Variants in LASP1 observed in about 807,000 individuals in gnomAD.
The protein encoded by LASP1 is LIM and SH3 domain protein 1.
In LASP1, 10 loss-of-function variants were observed where a neutral mutation model predicts 38.6. The ratio of observed to expected loss-of-function variants is 0.26; its 90% confidence interval spans 0.16 to 0.44. The LOEUF is 0.44. Among genes scored for constraint, LASP1 ranks in the 20% least tolerant of loss-of-function variants. LASP1 has a pLI of 1.00. For synonymous variants in LASP1, 132 were observed against 140.8 expected (o/e 0.94, Z 0.44); for missense variants, 243 against 375.7 (o/e 0.65, Z 2.92).
intron 1 of LASP1, among the ~76,000 whole-genome samples, chr17:38,875,156 GAGGCAGGGGCCCAGGCAGGGGCCT>G (rs567601337): frequency 2.3e-4 from 35 of 151,916 alleles, no homozygotes; most frequent in African/African-American, 7.3e-4. Flanking sequence ...GGGGTAGGGG[GAGGCAGGGGCCCAGGCAGGGGCCT>G]AGGCAGGGGC....
chr17:38,911,045 A>G (rs1290702931), intron 4 of LASP1, among the ~76,000 whole-genome samples: 1 of 152,140 alleles, frequency 6.6e-6, no homozygotes, highest in African/African-American at 2.4e-5. Flanking sequence ...GTTAAGAAGC[A>G]AAGCTCAAGG....
chr17:38,875,046 TGTA>T (rs956969377), intron 1 of LASP1, among the ~76,000 whole-genome samples: 3 of 146,228 alleles, frequency 2.1e-5, no homozygotes, highest in Non-Finnish European at 4.5e-5. Context: ...TAGGACAGTG[TGTA>T]GCCCTTCGTG....
At chr17:38,878,963 CTCCCATCCCA>C (rs539274809) in intron 2 of LASP1, among the ~76,000 whole-genome samples, 7 of 151,952 alleles carry the variant, frequency 4.6e-5, no homozygotes, top group East Asian at 3.9e-4. Context: ...AATACCTCCC[CTCCCATCCCA>C]TCCCATCCCA....
intron 4 of LASP1, 69 bp from the exon 5 acceptor site, chr17:38,914,256 T>C (rs1049930445): frequency 6.5e-7 from 1 of 1,541,958 alleles, no homozygotes; most frequent in Non-Finnish European, 8.8e-7. Context: ...CCTGGGATCT[T>C]GAGGGTCACG....
chr17:38,918,788 G>C lies in LASP1; in HGVS notation c.*10G>C. On this transcript the variant is annotated 3_prime_UTR_variant, in exon 7 of 7. Transcript: ENST00000318008. This position sits in a 1 kb window ranked among gnomAD's most constrained non-coding sequence, Gnocchi z 4.4. ...CGTGGAGGCCATCTGAACCCGCAGC[G>C]CCCCCATCTGTCTTCAGCACATTCC... is the stretch of plus-strand genomic sequence containing the variant. 1 of 1,612,908 alleles carries C rather than the reference G, an allele frequency of 6.2e-7. No individual in the cohort carries two copies. Among genetic ancestry groups the C allele is most frequent in the African/African-American group, 1.3e-5 (1 of 75,048 alleles).
intron 3 of LASP1, chr17:38,897,104 C>T: frequency 1.0e-6 from 1 of 982,314 alleles, no homozygotes; most frequent in Non-Finnish European, 1.2e-6. Context: ...GGGTTGGTGC[C>T]TCTATCCACT....
chr17:38,913,260 C>T (rs572854427), intron 4 of LASP1, among the ~76,000 whole-genome samples: 343 of 152,274 alleles, frequency 2.3e-3, no homozygotes, highest in Non-Finnish European at 4.0e-3. Flanking sequence ...GTGGGGTGGT[C>T]CTGAGGGATA....
Position 38,918,072 on chromosome 17 carries a change from G to A in LASP1, c.613-533G>A, listed in dbSNP as rs559482191. 8.7e-4 allele frequency among the ~76,000 whole-genome samples: 131 copies of A among 151,432 alleles called. No individual in the cohort carries two copies. Among genetic ancestry groups the A allele is most frequent in the Non-Finnish European group, 1.6e-3 (110 of 67,816 alleles). On this transcript the variant is annotated intron_variant, in intron 6 of 6. Coordinates refer to ENST00000318008, the MANE Select transcript of LASP1 (RefSeq NM_006148.4). The surrounding 1 kb of genome is among the most constrained non-coding windows in gnomAD (Gnocchi z 4.4). ...GGAGAATCGCTTGAACCCGGGAGGC[G>A]GATGTTGCAGTGAGCCAAGATCACA...
chr17:38,885,281 A>G (rs1185136934), intron 2 of LASP1, among the ~76,000 whole-genome samples: 2 of 152,162 alleles, frequency 1.3e-5, no homozygotes, highest in African/African-American at 4.8e-5. Context: ...AAAACGGCAC[A>G]ATGAGAATGC....
In LASP1 at chr17:38,870,067, C is replaced by G. The variant is rs1224411244; in HGVS notation, c.-123C>G. ...GAGGGCGGAGGCGGAGGCCAGTTCCCCAGCTCCAGCCGCCGTCGCTGCTGC... is the reference window on the plus strand; with the variant it reads ...GAGGGCGGAGGCGGAGGCCAGTTCCGCAGCTCCAGCCGCCGTCGCTGCTGC... On this transcript the variant is annotated 5_prime_UTR_variant, in exon 1 of 7. Coordinates refer to ENST00000318008, the MANE Select transcript of LASP1 (RefSeq NM_006148.4). 1 of 1,053,108 alleles carries G rather than the reference C, an allele frequency of 9.5e-7. No homozygotes were observed. Among genetic ancestry groups the G allele is most frequent in the Non-Finnish European group, 1.4e-6 (1 of 703,336 alleles). 65.2% of individuals were successfully genotyped at this position (1,053,108 alleles called of 1,614,324 possible).
At position 38,919,419 on chromosome 17, in the gene LASP1, C is replaced by T. The variant is rs1035234424; in HGVS notation, c.*641C>T. The stretch of plus-strand genomic sequence containing the variant: ...CGTTCCTTCGCACACTGTGATTTTG[C>T]CCTCCTGCCCACGCAGACCTGCAGC... On this transcript the variant is annotated 3_prime_UTR_variant, in exon 7 of 7. Transcript: ENST00000318008. 8.3e-6 allele frequency: 2 copies of T among 240,068 alleles called. No homozygotes were observed. The highest frequency in any genetic ancestry group is 5.1e-5 in the Admixed American group (1 of 19,536). The allele number at this position is 240,068 out of a possible 1,614,324, so 14.9% of individuals were successfully genotyped here. A position where few individuals can be genotyped will look rare whatever the true frequency, so the allele number is the denominator to read the frequency against.
At chr17:38,899,119 C>T (rs1472927564) in intron 4 of LASP1, 3 of 266,128 alleles carry the variant, frequency 1.1e-5, no homozygotes, top group African/African-American at 6.6e-5. Context: ...CATCGTGTGC[C>T]CTCCATGGCA....
At chr17:38,877,929 T>G (rs1011800807) in intron 1 of LASP1, among the ~76,000 whole-genome samples, 157 bp from the exon 2 acceptor site, 1 of 152,140 alleles carries the variant, frequency 6.6e-6, no homozygotes, top group African/African-American at 2.4e-5. Context: ...GCCTGTGACC[T>G]GAAATGCCCC....
chr17:38,913,120 C>T (rs1915003494), intron 4 of LASP1, among the ~76,000 whole-genome samples: 3 of 152,148 alleles, frequency 2.0e-5, no homozygotes, highest in African/African-American at 7.2e-5. Context: ...CAGTCACAGC[C>T]CTCAAACAAC....
intron 4 of LASP1, 112 bp downstream of exon 4, chr17:38,898,631 A>G (rs2286883): frequency 0.42 from 326,228 of 784,546 alleles, 71,994 homozygotes; most frequent in Middle Eastern, 0.48. Context: ...TGCCTCCACT[A>G]CCCCTGCCCT....
At chr17:38,883,801 C>A (rs1914022441) in intron 2 of LASP1, among the ~76,000 whole-genome samples, 1 of 143,752 alleles carries the variant, frequency 7.0e-6, no homozygotes, top group African/African-American at 2.6e-5. Context: ...AGTTCTTCCT[C>A]AAGTCTAGCC....
intron 3 of LASP1, among the ~76,000 whole-genome samples, chr17:38,892,356 C>T (rs939484203): frequency 6.6e-5 from 10 of 152,298 alleles, no homozygotes; most frequent in African/African-American, 2.2e-4. Context: ...ACCCACCCAC[C>T]TGCGGCACAG....
At chr17:38,899,349 T>G (rs1009926789) in intron 4 of LASP1, 1 of 157,090 alleles carries the variant, frequency 6.4e-6, no homozygotes, top group Non-Finnish European at 1.4e-5. Context: ...CAGGAAGGGA[T>G]CAGTGAGCTG....
At position 38,898,660 on chromosome 17, in the gene LASP1, A is replaced by C. The variant is rs1452952713; in HGVS notation, c.357+141A>C. 4.2e-6 allele frequency: 3 copies of C among 706,442 alleles called. No individual in the cohort carries two copies. The South Asian group carries it at 4.5e-5, about 11-fold the overall frequency. 43.8% of individuals were successfully genotyped at this position (706,442 alleles called of 1,614,324 possible). ...CTGCCCTCCAGGGTGGGCCTGGGGAAGAGCTTGGGGTTCCCAGATGCCTCT... is the reference window on the plus strand; with the variant it reads ...CTGCCCTCCAGGGTGGGCCTGGGGACGAGCTTGGGGTTCCCAGATGCCTCT... On this transcript the variant is annotated intron_variant, in intron 4 of 6. Coordinates refer to ENST00000318008, the MANE Select transcript of LASP1 (RefSeq NM_006148.4).
Sources: allele counts gnomAD v4.1 joint callset (sites outside exome capture counted in the v4.1 genomes callset), GRCh38; gene constraint gnomAD v4.1.1; non-coding constraint Gnocchi (gnomAD v3.1); transcripts MANE v1.5; gene names NCBI Gene and HGNC (gene_info 2026-07-23, HGNC 2026-07-21).